Variants in PDE9A observed in about 807,000 individuals in gnomAD.
PDE9A encodes phosphodiesterase 9A.
A neutral mutation model predicts 87.4 loss-of-function variants in PDE9A; 60 were observed. The ratio of observed to expected loss-of-function variants is 0.69; its 90% CI spans 0.56 to 0.85. The LOEUF is 0.85. Among genes scored for constraint, PDE9A ranks in the 40% least tolerant of loss-of-function variants. The pLI is 0.00. For synonymous variants in PDE9A, 272 were observed against 279.4 expected, an observed-to-expected ratio of 0.97 and a Z score of 0.27; for missense variants, 665 against 779.0, an observed-to-expected ratio of 0.85 and a Z score of 1.74.
At chr21:42,738,012 C>T (rs550878277) in intron 7 of PDE9A, among the ~76,000 whole-genome samples, 1 of 152,296 alleles carries the variant, frequency 6.6e-6, no homozygotes, top group East Asian at 1.9e-4. Context: ...ATTTTGTAAA[C>T]AGAACACCCA....
Position 42,760,689 on chromosome 21 carries a change from C to T in PDE9A, c.1003-136C>T. 7.3e-6 allele frequency: 5 copies of T among 684,202 alleles called. No individual in the cohort carries two copies. Among genetic ancestry groups the T allele is most frequent in the South Asian group, 5.0e-5 (3 of 60,106 alleles). 42.4% of individuals were successfully genotyped at this position (684,202 alleles called of 1,614,324 possible). A position where few individuals can be genotyped will look rare whatever the true frequency, so the allele number is the denominator to read the frequency against. On this transcript the variant is annotated intron_variant, in intron 12 of 19. Transcript: ENST00000291539. This position sits in a 1 kb window ranked among gnomAD's most constrained non-coding sequence, Gnocchi z 5.2. ...CCCCACAGGCAGGCCGATCCTCTCC[C>T]ACCATGCCAGGAGATGCCAGATGGC...
chr21:42,756,918 G>C (rs1202665463), intron 10 of PDE9A: 1 of 152,426 alleles, frequency 6.6e-6, no homozygotes, highest in Non-Finnish European at 1.5e-5. Flanking sequence ...TCTGTCTGCC[G>C]ATCAGCATCC....
At chr21:42,655,535 C>T (rs1286309848) in intron 1 of PDE9A, among the ~76,000 whole-genome samples, 1 of 152,168 alleles carries the variant, frequency 6.6e-6, no homozygotes, top group Non-Finnish European at 1.5e-5. Flanking sequence ...CTGGGGAAGA[C>T]ATGGCATGTG....
intron 14 of PDE9A, 114 bp from the exon 15 acceptor site, chr21:42,765,267 C>T (rs1465810074): frequency 6.5e-6 from 4 of 614,664 alleles, no homozygotes; most frequent in African/African-American, 3.8e-5. Flanking sequence ...ACATATGAAT[C>T]GGAATAAGAG....
Position 42,770,773 on chromosome 21 carries a change from A to G in PDE9A, c.1661A>G (p.Lys554Arg), listed in dbSNP as rs1269017552. The change falls in exon 18 of 20, where the codon AAG (lysine) becomes AGG (arginine). Residue 554 changes from lysine (K) to arginine (R), a missense_variant. Coordinates refer to ENST00000291539, the MANE Select transcript of PDE9A (RefSeq NM_002606.3). ...TCCCGAGATCGCTACGAGGAGCTGAAGCGGATAGATGACGCCATGAAAGAG... is the reference window on the plus strand; with the variant it reads ...TCCCGAGATCGCTACGAGGAGCTGAGGCGGATAGATGACGCCATGAAAGAG... The part of the protein sequence containing the change: ...WESRDRYEEL[K>R]RIDDAMKELQ... 6.2e-7 allele frequency: 1 copy of G among 1,613,864 alleles called. No homozygotes were observed. Among genetic ancestry groups the G allele is most frequent in the Non-Finnish European group, 8.5e-7 (1 of 1,179,850 alleles).
chr21:42,753,111 A>G (rs1250985453), intron 9 of PDE9A, among the ~76,000 whole-genome samples: 4 of 152,022 alleles, frequency 2.6e-5, no homozygotes, highest in Admixed American at 6.6e-5. Flanking sequence ...GGTTCAAGCA[A>G]TTCTCCCACC....
chr21:42,674,871 G>A (rs923537553), intron 1 of PDE9A, among the ~76,000 whole-genome samples: 4 of 152,206 alleles, frequency 2.6e-5, no homozygotes, highest in Non-Finnish European at 4.4e-5. Context: ...TTATGTAAAC[G>A]CAGTGCAGCA....
intron 1 of PDE9A, among the ~76,000 whole-genome samples, chr21:42,654,660 T>G (rs1207877005): frequency 6.6e-6 from 1 of 152,200 alleles, no homozygotes; most frequent in Non-Finnish European, 1.5e-5. Flanking sequence ...CTCACCTTTC[T>G]GCCCACGGAG....
At chr21:42,772,729 G>C (rs2057133518) in intron 19 of PDE9A, among the ~76,000 whole-genome samples, 1 of 151,892 alleles carries the variant, frequency 6.6e-6, no homozygotes, top group East Asian at 2.0e-4. Context: ...TGTCTCCTGA[G>C]TTCAAGTGAT....
At position 42,696,373 on chromosome 21, in the gene PDE9A, C is replaced by T. The variant is rs531900217; in HGVS notation, c.219-2595C>T. ...CGCCTGGTCACTACCCGCCCCCCAC[C>T]TCCAGCATTAATTTTCTAGGGACAA... On this transcript the variant is annotated intron_variant, in intron 3 of 19. Transcript: ENST00000291539. This position sits in a 1 kb window ranked among gnomAD's most constrained non-coding sequence, Gnocchi z 5.1. 1.0e-3 allele frequency among the ~76,000 whole-genome samples: 152 copies of T among 152,318 alleles called. No individual in the cohort carries two copies. Among genetic ancestry groups the T allele is most frequent in the African/African-American group, 3.5e-3 (145 of 41,572 alleles).
chr21:42,763,339 G>A (rs892411329), intron 14 of PDE9A, among the ~76,000 whole-genome samples: 30 of 152,262 alleles, frequency 2.0e-4, no homozygotes, highest in African/African-American at 7.0e-4. Context: ...AGTGTGGATT[G>A]TCTAAGGGGG....
In PDE9A at chr21:42,726,624, A is replaced by ATATATTTTT; in HGVS notation, c.263-5145_263-5144insATATTTTTT. Among the ~76,000 whole-genome samples the ATATATTTTT allele has an allele frequency of 5.6e-4, 11 of 19,778 alleles. 1 individual carries two copies. The highest frequency in any genetic ancestry group is 1.0e-3 in the African/African-American group (3 of 2,942). 13.0% of individuals were successfully genotyped at this position (19,778 alleles called of 152,430 possible). A position where few individuals can be genotyped will look rare whatever the true frequency, so the allele number is the denominator to read the frequency against. ...TATATATATATATATATATATATAT[A>ATATATTTTT]TTTTTTTTTTTTTTTTTGTAGAGAT... On this transcript the variant is annotated intron_variant, in intron 4 of 19. Transcript: ENST00000291539.
chr21:42,732,897 G>C (rs2146735257), intron 6 of PDE9A, among the ~76,000 whole-genome samples: 1 of 152,354 alleles, frequency 6.6e-6, no homozygotes, highest in East Asian at 1.9e-4. Flanking sequence ...CTGGGCAAGA[G>C]TGACACTCTG....
chr21:42,672,316 C>A (rs1339524681), intron 1 of PDE9A, among the ~76,000 whole-genome samples: 1 of 152,220 alleles, frequency 6.6e-6, no homozygotes, highest in African/African-American at 2.4e-5. Context: ...TCTCTCTTGT[C>A]TGTCCTCGTC....
chr21:42,679,595 G>A (rs1158887768), intron 1 of PDE9A, among the ~76,000 whole-genome samples: 1 of 152,130 alleles, frequency 6.6e-6, no homozygotes, highest in Non-Finnish European at 1.5e-5. Context: ...GCCTCACCCT[G>A]CAAGCAGCAC....
intron 4 of PDE9A, among the ~76,000 whole-genome samples, chr21:42,721,466 A>G (rs1569200356): frequency 6.6e-6 from 1 of 152,218 alleles, no homozygotes; most frequent in East Asian, 1.9e-4. Flanking sequence ...ATCCCTTGGC[A>G]GGCAGGACAG....
chr21:42,688,420 G>A (rs563279267), intron 3 of PDE9A, among the ~76,000 whole-genome samples: 1 of 152,190 alleles, frequency 6.6e-6, no homozygotes, highest in African/African-American at 2.4e-5. Flanking sequence ...ATGCCTGTGG[G>A]AGATTCTAAG....
chr21:42,670,345 T>C (rs1265982603), intron 1 of PDE9A, among the ~76,000 whole-genome samples: 17 of 100,590 alleles, frequency 1.7e-4, no homozygotes, highest in African/African-American at 7.5e-4. Context: ...TTCACATACA[T>C]TTACACACAC....
In PDE9A at chr21:42,716,747, C is replaced by CTT. The variant is rs60104683; in HGVS notation, c.263-15003_263-15002dup. Among the ~76,000 whole-genome samples, 540 of 94,236 alleles carry CTT rather than the reference C, an allele frequency of 5.7e-3. 58 individuals carry two copies. Among genetic ancestry groups the CTT allele is most frequent in the African/African-American group, 0.017 (374 of 21,992 alleles). The allele number at this position is 94,236 out of a possible 152,430, so 61.8% of individuals were successfully genotyped here. Reference sequence around the variant, plus strand: ...CCCCATAATACAATATTATAATTTCCTTTTTTTTTTTTTTTTTTTTTGAGA... The same window carrying CTT: ...CCCCATAATACAATATTATAATTTCCTTTTTTTTTTTTTTTTTTTTTTTGAGA... On this transcript the variant is annotated intron_variant, in intron 4 of 19. Transcript: ENST00000291539.
Sources: gnomAD v4.1 joint callset for allele counts (sites outside exome capture counted in the v4.1 genomes callset) on GRCh38, gnomAD v4.1.1 for gene constraint, Gnocchi (gnomAD v3.1) non-coding constraint, MANE v1.5 for transcripts, NCBI Gene and HGNC (gene_info 2026-07-23, HGNC 2026-07-21) for gene names.